IL16: variants seen among roughly 807,000 people sequenced by gnomAD.
IL16 encodes the protein interleukin 16, also known as pro-interleukin-16.
In IL16, 67 loss-of-function variants were observed where a neutral mutation model predicts 110.1. That is an observed-to-expected ratio of 0.61 (90% CI 0.50 to 0.75). IL16 has a LOEUF of 0.75. IL16 is among the 30% of genes least tolerant of loss of function. The pLI is 0.00. For missense variants in IL16, 1,545 were observed against 1,655.0 expected (o/e 0.93, Z 1.15); for synonymous variants, 689 against 662.9 (o/e 1.04, Z -0.61).
chr15:81,251,343 A>G (rs1897761895), intron 2 of IL16, among the ~76,000 whole-genome samples: 1 of 152,078 alleles, frequency 6.6e-6, no homozygotes, highest in Admixed American at 6.6e-5. Context: ...ATTTTTAAAA[A>G]CTTTGTAGAG....
intron 9 of IL16, among the ~76,000 whole-genome samples, chr15:81,285,429 G>A (rs1193371455): frequency 2.0e-5 from 3 of 152,192 alleles, no homozygotes; most frequent in Non-Finnish European, 4.4e-5. Context: ...AAAAGAAGGA[G>A]GAAAGTTACA....
At chr15:81,245,300 A>G (rs943576896) in intron 2 of IL16, among the ~76,000 whole-genome samples, 9 of 152,152 alleles carry the variant, frequency 5.9e-5, no homozygotes, top group Non-Finnish European at 1.2e-4. Flanking sequence ...CTTTGACATT[A>G]TTCTTGCGAG....
At chr15:81,276,354 A>C (rs1416600402) in intron 6 of IL16, among the ~76,000 whole-genome samples, 1 of 152,240 alleles carries the variant, frequency 6.6e-6, no homozygotes, top group Admixed American at 6.5e-5. Context: ...AAACAACTTT[A>C]AATCTAAGAA....
chr15:81,311,040 A>G lies in IL16; in HGVS notation c.*2242A>G, dbSNP rs919564268. 6.6e-6 allele frequency: 1 copy of G among 152,246 alleles called. No homozygotes were observed. Among genetic ancestry groups the G allele is most frequent in the Non-Finnish European group, 1.5e-5 (1 of 68,060 alleles). 9.4% of individuals were successfully genotyped at this position (152,246 alleles called of 1,614,324 possible). On this transcript the variant is annotated 3_prime_UTR_variant, in exon 19 of 19. Transcript: ENST00000683961. ...AGGTTTCTGGTCTCTAGGCTGGGGA[A>G]GTCCTCTGGGTAGGAATCAGCAAGA...
intron 15 of IL16, 105 bp downstream of exon 15, chr15:81,301,617 C>T (rs1596054486): frequency 3.1e-6 from 3 of 962,492 alleles, no homozygotes; most frequent in Non-Finnish European, 3.1e-6. Flanking sequence ...CTGCTCACAT[C>T]AGACCCAGGT....
At chr15:81,301,193 A>G (rs755961470) in intron 14 of IL16, 151 bp from the exon 15 acceptor site, 7 of 601,598 alleles carry the variant, frequency 1.2e-5, no homozygotes, top group Non-Finnish European at 1.7e-5. Context: ...TGTAGAGTGA[A>G]GGTATGCTAG....
chr15:81,226,103 G>A (rs745502291), intron 2 of IL16, among the ~76,000 whole-genome samples: 13 of 152,178 alleles, frequency 8.5e-5, no homozygotes, highest in Non-Finnish European at 1.6e-4. Flanking sequence ...ATAGGGCCTG[G>A]GCAGAGAAGG....
intron 1 of IL16, among the ~76,000 whole-genome samples, chr15:81,211,983 C>T (rs1261543920): frequency 3.3e-5 from 5 of 152,126 alleles, no homozygotes; most frequent in Admixed American, 6.5e-5. Context: ...GTCTCTGCCA[C>T]ATTTTGGTAT....
chr15:81,238,688 T>C lies in IL16; in HGVS notation c.312+12977T>C, dbSNP rs187355063. On this transcript the variant is annotated intron_variant, in intron 2 of 18. Transcript: ENST00000683961. ...TCATAAAGGGAAAGATGATCTATTATGTTTATTTATATTTTTACTCATTCT... is the reference window on the plus strand; with the variant it reads ...TCATAAAGGGAAAGATGATCTATTACGTTTATTTATATTTTTACTCATTCT... Among the ~76,000 whole-genome samples, 500 of 152,288 alleles carry C rather than the reference T, an allele frequency of 3.3e-3. 3 individuals are homozygous for C. Among genetic ancestry groups the C allele is most frequent in the African/African-American group, 0.012 (484 of 41,576 alleles).
intron 1 of IL16, among the ~76,000 whole-genome samples, chr15:81,188,748 C>T (rs551056853): frequency 1.2e-4 from 18 of 152,248 alleles, no homozygotes; most frequent in Admixed American, 5.9e-4. Context: ...TTCTTCCTCC[C>T]GGCCTTTTTT....
At chr15:81,204,915 G>A (rs1895958974) in intron 1 of IL16, among the ~76,000 whole-genome samples, 2 of 151,676 alleles carry the variant, frequency 1.3e-5, no homozygotes, top group Admixed American at 1.3e-4. Context: ...AGGGGTTGGG[G>A]GAGCAGACCA....
intron 1 of IL16, among the ~76,000 whole-genome samples, chr15:81,211,430 T>G (rs1379251548): frequency 6.6e-6 from 1 of 152,162 alleles, no homozygotes; most frequent in Non-Finnish European, 1.5e-5. Context: ...TTTGCAGTTT[T>G]TAGTAGAGAC....
At position 81,309,982 on chromosome 15, in the gene IL16, CACA is replaced by C. The variant is rs1054334006; in HGVS notation, c.*1188_*1190del. On this transcript the variant is annotated 3_prime_UTR_variant, in exon 19 of 19. Transcript: ENST00000683961. ...CTATCAGCCCAAGATGCTTTAAGTG[CACA>C]ACATTACAGGGAATGCCTGAGTGCC... The C allele has an allele frequency of 3.3e-5, 5 of 152,202 alleles. No homozygotes were observed. The highest frequency in any genetic ancestry group is 2.1e-4 in the South Asian group (1 of 4,822). The allele number at this position is 152,202 out of a possible 1,614,324, so 9.4% of individuals were successfully genotyped here.
chr15:81,300,839 G>GAATGAGGCC (rs1276590208), intron 14 of IL16, among the ~76,000 whole-genome samples: 11 of 152,180 alleles, frequency 7.2e-5, no homozygotes, highest in African/African-American at 2.7e-4. Flanking sequence ...AGAAAGACCA[G>GAATGAGGCC]AATGAGGCCA....
At chr15:81,261,890 G>C (rs1898172242) in intron 3 of IL16, among the ~76,000 whole-genome samples, 1 of 152,050 alleles carries the variant, frequency 6.6e-6, no homozygotes, top group Non-Finnish European at 1.5e-5. Context: ...ACAATATAGT[G>C]AAACCATGTC....
At chr15:81,235,529 T>A (rs1470408435) in intron 2 of IL16, among the ~76,000 whole-genome samples, 1 of 152,080 alleles carries the variant, frequency 6.6e-6, no homozygotes, top group East Asian at 1.9e-4. Context: ...AGGCCCCCCC[T>A]CCAACACTGG....
intron 4 of IL16, 45 bp from the exon 5 acceptor site, chr15:81,269,492 TG>T (rs1346216096): frequency 7.7e-6 from 10 of 1,291,952 alleles, no homozygotes; most frequent in Non-Finnish European, 1.1e-5. Flanking sequence ...CATGTGCTGC[TG>T]TCCTATGTGG....
intron 1 of IL16, 91 bp from the exon 2 acceptor site, chr15:81,225,208 A>G (rs961785883): frequency 5.9e-5 from 64 of 1,079,500 alleles, no homozygotes; most frequent in Admixed American, 8.3e-5. Flanking sequence ...CACGGGCACC[A>G]AGAACCCGTG....
In IL16 at chr15:81,313,268, T is replaced by C; in HGVS notation, c.*4470T>C. 1 of 1,570,792 alleles carries C rather than the reference T, an allele frequency of 6.4e-7. No homozygotes were observed. The highest frequency in any genetic ancestry group is 8.6e-7 in the Non-Finnish European group (1 of 1,158,476). On this transcript the variant is annotated 3_prime_UTR_variant, in exon 19 of 19. Transcript: ENST00000683961. ...AGTAACGATAGCATTACTCATGGAA[T>C]TGCTTCACTGCTTTCTGAAGGTTGG...
Sources: allele counts gnomAD v4.1 joint callset (sites outside exome capture counted in the v4.1 genomes callset), GRCh38; gene constraint gnomAD v4.1.1; transcripts MANE v1.5; gene names NCBI Gene and HGNC (gene_info 2026-07-23, HGNC 2026-07-21).